Variants in GNG7 observed in about 807,000 individuals in gnomAD.
GNG7 encodes guanine nucleotide-binding protein G(I)/G(S)/G(O) subunit gamma-7.
GNG7 carries 1 observed loss-of-function variant against 4.0 expected under a neutral mutation model. The observed-to-expected ratio is 0.25, with a 90% CI of 0.09 to 1.18. The LOEUF (loss-of-function observed/expected upper bound fraction) is 1.18. GNG7 is among the 50% of genes most tolerant of loss of function. The pLI, the probability that GNG7 is intolerant of heterozygous loss-of-function variation, is 0.50. For synonymous variants in GNG7, 34 were observed against 36.9 expected, an observed-to-expected ratio of 0.92 and a Z score of 0.29; for missense variants, 86 against 91.9, an observed-to-expected ratio of 0.94 and a Z score of 0.26.
At chr19:2,592,130 C>T (rs1248848990) in intron 2 of GNG7, among the ~76,000 whole-genome samples, 3 of 152,110 alleles carry the variant, frequency 2.0e-5, no homozygotes, top group African/African-American at 7.2e-5. Flanking sequence ...TGATGTATAC[C>T]ATGATGTTTC....
intron 1 of GNG7, among the ~76,000 whole-genome samples, chr19:2,664,567 A>AG (rs1475063970): frequency 2.6e-5 from 4 of 151,984 alleles, no homozygotes; most frequent in African/African-American, 9.7e-5. Context: ...GAGGTCAAGG[A>AG]GGGGGAAGGA....
chr19:2,680,114 CA>C (rs1983693013), intron 1 of GNG7, among the ~76,000 whole-genome samples: 2 of 150,848 alleles, frequency 1.3e-5, no homozygotes, highest in Admixed American at 1.3e-4. Context: ...GGAGTTCGAG[CA>C]GCCTGGGCAT....
At chr19:2,538,512 T>C (rs1221736093) in intron 3 of GNG7, 1 of 348,678 alleles carries the variant, frequency 2.9e-6, no homozygotes, top group Admixed American at 4.1e-5. Context: ...ACACCTGTAG[T>C]TCCAGCTACC....
At chr19:2,574,285 CTT>C (rs1980241581) in intron 2 of GNG7, among the ~76,000 whole-genome samples, 2 of 152,224 alleles carry the variant, frequency 1.3e-5, no homozygotes, top group Admixed American at 1.3e-4. Flanking sequence ...CTCCCTCTCT[CTT>C]TTCTCACTAC....
chr19:2,573,068 T>C (rs1980198775), intron 2 of GNG7, among the ~76,000 whole-genome samples: 1 of 144,456 alleles, frequency 6.9e-6, no homozygotes, highest in African/African-American at 2.6e-5. Flanking sequence ...CCCCGTCGCC[T>C]AGGCTGGAGT....
chr19:2,688,018 C>T (rs1029001642), intron 1 of GNG7, among the ~76,000 whole-genome samples: 5 of 151,978 alleles, frequency 3.3e-5, no homozygotes, highest in South Asian at 2.1e-4. Flanking sequence ...TTTGGGAGGC[C>T]GAGCTGGGCA....
intron 2 of GNG7, among the ~76,000 whole-genome samples, chr19:2,559,816 G>A (rs1346766287): frequency 1.1e-5 from 1 of 93,544 alleles, no homozygotes; most frequent in Non-Finnish European, 2.2e-5. Context: ...CTGGCTCAAA[G>A]GTGTCTTCTT....
At chr19:2,573,436 A>G (rs1032646159) in intron 2 of GNG7, among the ~76,000 whole-genome samples, 3 of 152,112 alleles carry the variant, frequency 2.0e-5, no homozygotes, top group Non-Finnish European at 4.4e-5. Flanking sequence ...CGGCTAGAAG[A>G]CTTAAGATCT....
intron 1 of GNG7, among the ~76,000 whole-genome samples, chr19:2,699,532 AG>A (rs1217076514): frequency 1.3e-5 from 2 of 152,222 alleles, no homozygotes; most frequent in Non-Finnish European, 2.9e-5. Context: ...ATGACTTAAA[AG>A]CAATCCTCAA....
chr19:2,546,413 A>G lies in GNG7; in HGVS notation c.-38+8736T>C, dbSNP rs1979128538. Among the ~76,000 whole-genome samples the G allele has an allele frequency of 1.3e-5, 2 of 152,224 alleles. No homozygotes were observed. Among genetic ancestry groups the G allele is most frequent in the African/African-American group, 2.4e-5 (1 of 41,470 alleles). On this transcript the variant is annotated intron_variant, in intron 3 of 4. Transcript: ENST00000382159. The surrounding 1 kb of genome is among the most constrained non-coding windows in gnomAD (Gnocchi z 6.3). ...GTTGGTGGCTCTGTGACCTCAAGGC[A>G]GGGCCGTGGGGCCCAGGGCTGCGGG... is the stretch of plus-strand genomic sequence containing the variant.
At chr19:2,517,450 C>T (rs1034175203) in intron 4 of GNG7, among the ~76,000 whole-genome samples, 11 of 152,126 alleles carry the variant, frequency 7.2e-5, no homozygotes, top group African/African-American at 9.7e-5. Flanking sequence ...CTGCAACCTC[C>T]GCCCCCTGGG....
intron 1 of GNG7, among the ~76,000 whole-genome samples, chr19:2,676,097 C>T (rs1281443722): frequency 6.6e-6 from 1 of 152,214 alleles, no homozygotes; most frequent in African/African-American, 2.4e-5. Flanking sequence ...ATGTCACCAG[C>T]CCAGGGGCGC....
intron 2 of GNG7, among the ~76,000 whole-genome samples, chr19:2,580,804 T>C (rs1980480605): frequency 6.9e-6 from 1 of 144,490 alleles, no homozygotes; most frequent in Non-Finnish European, 1.5e-5. Context: ...TTAGTCTGTC[T>C]CCCAGGCTGG....
intron 1 of GNG7, among the ~76,000 whole-genome samples, chr19:2,700,362 C>CA (rs1326429531): frequency 6.6e-6 from 1 of 152,124 alleles, no homozygotes; most frequent in Non-Finnish European, 1.5e-5. Flanking sequence ...AGGCTGGTCT[C>CA]AAACTCCTGA....
At chr19:2,532,157 A>AAC (rs1978614270) in intron 3 of GNG7, among the ~76,000 whole-genome samples, 2 of 44,926 alleles carry the variant, frequency 4.5e-5, no homozygotes, top group East Asian at 2.2e-3. Flanking sequence ...TCTCAAAAAA[A>AAC]AAAACAAAAA....
At chr19:2,591,744 C>G (rs1184181226) in intron 2 of GNG7, among the ~76,000 whole-genome samples, 1 of 152,010 alleles carries the variant, frequency 6.6e-6, no homozygotes, top group African/African-American at 2.4e-5. Context: ...AGAGCACCTA[C>G]AAATCAATAA....
At chr19:2,542,239 C>T (rs1465430903) in intron 3 of GNG7, among the ~76,000 whole-genome samples, 5 of 151,442 alleles carry the variant, frequency 3.3e-5, no homozygotes, top group Admixed American at 1.3e-4. Flanking sequence ...CTCAGCCTCC[C>T]GAGTAACTGC....
chr19:2,592,090 C>T (rs569686646), intron 2 of GNG7, among the ~76,000 whole-genome samples: 65 of 152,230 alleles, frequency 4.3e-4, no homozygotes, highest in African/African-American at 1.5e-3. Context: ...TAGGAATTTA[C>T]CTCCTGAGAT....
At chr19:2,525,267 G>A (rs1378157811) in intron 3 of GNG7, among the ~76,000 whole-genome samples, 1 of 152,196 alleles carries the variant, frequency 6.6e-6, no homozygotes, top group African/African-American at 2.4e-5. Flanking sequence ...GGTGCACACA[G>A]TCCCCACGGC....
Sources: allele counts gnomAD v4.1 joint callset (sites outside exome capture counted in the v4.1 genomes callset), GRCh38; gene constraint gnomAD v4.1.1; non-coding constraint Gnocchi (gnomAD v3.1); transcripts MANE v1.5; gene names NCBI Gene and HGNC (gene_info 2026-07-23, HGNC 2026-07-21).